EBF2: variants seen among roughly 807,000 people sequenced by gnomAD.
EBF2 encodes EBF transcription factor 2.
EBF2 carries 21 observed loss-of-function variants against 72.8 expected under a neutral mutation model. That is an observed-to-expected ratio of 0.29 (90% CI 0.20 to 0.42). EBF2 has a LOEUF of 0.42. Ranked by LOEUF, EBF2 falls within the 10% of genes least tolerant of loss-of-function variation. The pLI, the probability that EBF2 is intolerant of heterozygous loss-of-function variation, is 1.00. For missense variants in EBF2, 637 were observed against 731.2 expected (o/e 0.87, Z 1.49); for synonymous variants, 299 against 274.2 (o/e 1.09, Z -0.89).
intron 10 of EBF2, among the ~76,000 whole-genome samples, chr8:25,886,242 C>T (rs1461471609): frequency 6.6e-6 from 1 of 152,124 alleles, no homozygotes; most frequent in African/African-American, 2.4e-5. Flanking sequence ...TCTAAACTTC[C>T]AAGTGGGGAA....
intron 15 of EBF2, among the ~76,000 whole-genome samples, chr8:25,848,119 C>A (rs947962926): frequency 1.3e-5 from 2 of 152,164 alleles, no homozygotes; most frequent in Non-Finnish European, 1.5e-5. Flanking sequence ...CTGCCTCAGC[C>A]TCCCAAGTAT....
At position 25,964,987 on chromosome 8, in the gene EBF2, T is replaced by C. The variant is rs148235115; in HGVS notation, c.552-56432A>G. Among the ~76,000 whole-genome samples the C allele has an allele frequency of 1.2e-3, 176 of 152,354 alleles. 2 individuals are homozygous for C. Among genetic ancestry groups the C allele is most frequent in the African/African-American group, 4.0e-3 (168 of 41,574 alleles). Reference sequence around the variant, plus strand: ...TCTGTAGTGAGGTCAATATCAATAATTGATGGAGCTATGATATCTAGAGCA... The same window carrying C: ...TCTGTAGTGAGGTCAATATCAATAACTGATGGAGCTATGATATCTAGAGCA... On this transcript the variant is annotated intron_variant, in intron 6 of 15. Coordinates refer to ENST00000520164, the MANE Select transcript of EBF2 (RefSeq NM_022659.4).
At chr8:25,889,892 A>T (rs1298641426) in intron 7 of EBF2, 23 bp from the exon 8 acceptor site, 1 of 1,594,824 alleles carries the variant, frequency 6.3e-7, no homozygotes, top group Non-Finnish European at 8.6e-7. Flanking sequence ...AGTAAAAAGG[A>T]GAAAGGGGGT....
intron 6 of EBF2, among the ~76,000 whole-genome samples, chr8:25,990,839 G>A: frequency 6.6e-6 from 1 of 152,224 alleles, no homozygotes; most frequent in Non-Finnish European, 1.5e-5. Context: ...TTCCCAGGCA[G>A]AACGGAAATA....
intron 6 of EBF2, among the ~76,000 whole-genome samples, chr8:25,999,664 C>T (rs1414741640): frequency 6.6e-6 from 1 of 150,710 alleles, no homozygotes; most frequent in African/African-American, 2.4e-5. Flanking sequence ...CTTTGCCTCC[C>T]ATCTTCCCAA....
chr8:25,881,011 G>A (rs2117283628), intron 10 of EBF2, among the ~76,000 whole-genome samples: 1 of 152,070 alleles, frequency 6.6e-6, no homozygotes, highest in Non-Finnish European at 1.5e-5. Flanking sequence ...TTGTGTCAAT[G>A]TTACCTCCTA....
chr8:25,911,852 T>C (rs910924756), intron 6 of EBF2, among the ~76,000 whole-genome samples: 10 of 151,808 alleles, frequency 6.6e-5, no homozygotes, highest in African/African-American at 2.4e-4. Flanking sequence ...AATAAATAAG[T>C]GGGGACAGCT....
intron 5 of EBF2, among the ~76,000 whole-genome samples, chr8:26,034,750 A>G (rs1019935292): frequency 2.6e-5 from 4 of 152,240 alleles, no homozygotes; most frequent in African/African-American, 7.2e-5. Context: ...TTTATCATCC[A>G]TACTGGTTGG....
intron 14 of EBF2, 105 bp downstream of exon 14, chr8:25,858,214 G>C: frequency 2.1e-6 from 3 of 1,398,658 alleles, no homozygotes; most frequent in Non-Finnish European, 3.0e-6. Flanking sequence ...GCTGCTCCCC[G>C]ACAACTTAGG....
At chr8:25,853,546 A>C (rs1213702305) in intron 14 of EBF2, among the ~76,000 whole-genome samples, 1 of 152,104 alleles carries the variant, frequency 6.6e-6, no homozygotes, top group East Asian at 1.9e-4. Context: ...TTCTTTTCTA[A>C]GGGAAGAATT....
intron 6 of EBF2, among the ~76,000 whole-genome samples, chr8:25,967,397 C>T (rs911066147): frequency 6.6e-5 from 10 of 152,136 alleles, no homozygotes; most frequent in African/African-American, 2.4e-4. Context: ...ATCAAAAATG[C>T]ATTTAATACA....
chr8:25,945,230 C>T (rs1204743893), intron 6 of EBF2, among the ~76,000 whole-genome samples: 1 of 152,024 alleles, frequency 6.6e-6, no homozygotes, highest in Non-Finnish European at 1.5e-5. Flanking sequence ...TGCTATATCC[C>T]CCAAGTTGAA....
intron 6 of EBF2, among the ~76,000 whole-genome samples, chr8:25,955,047 G>C (rs1350445359): frequency 6.6e-6 from 1 of 152,232 alleles, no homozygotes; most frequent in African/African-American, 2.4e-5. Context: ...GGGAGGATCA[G>C]AGGGTTCGAG....
chr8:26,038,843 G>A (rs1306563606), intron 5 of EBF2, among the ~76,000 whole-genome samples: 9 of 152,192 alleles, frequency 5.9e-5, no homozygotes, highest in African/African-American at 2.2e-4. Context: ...TGATTGTTAT[G>A]GTTTCTTCCT....
At chr8:25,885,876 A>G (rs10503778) in intron 10 of EBF2, among the ~76,000 whole-genome samples, 13,203 of 152,246 alleles carry the variant, frequency 0.087, 873 homozygotes, top group African/African-American at 0.18. Context: ...GGACTAATAC[A>G]CATGCCTAGC....
intron 10 of EBF2, among the ~76,000 whole-genome samples, chr8:25,872,161 G>A (rs1244471287): frequency 6.6e-6 from 1 of 152,194 alleles, no homozygotes; most frequent in Non-Finnish European, 1.5e-5. Flanking sequence ...CTCTTTGTTA[G>A]AACCCTGTTC....
At chr8:26,012,177 G>T (rs1319582787) in intron 6 of EBF2, among the ~76,000 whole-genome samples, 4 of 151,992 alleles carry the variant, frequency 2.6e-5, no homozygotes, top group Admixed American at 6.6e-5. Context: ...TTTTGTTTTT[G>T]TCCTTAAAGT....
At chr8:25,968,653 C>T (rs192027217) in intron 6 of EBF2, among the ~76,000 whole-genome samples, 1 of 152,176 alleles carries the variant, frequency 6.6e-6, no homozygotes, top group Non-Finnish European at 1.5e-5. Context: ...CCTCCACCCC[C>T]CTGGGTTCAA....
At chr8:25,938,766 T>C (rs1296863373) in intron 6 of EBF2, among the ~76,000 whole-genome samples, 2 of 152,098 alleles carry the variant, frequency 1.3e-5, no homozygotes, top group Admixed American at 6.5e-5. Flanking sequence ...TGCTGAATGG[T>C]GGGTCACAAG....
Sources: allele counts gnomAD v4.1 joint callset (sites outside exome capture counted in the v4.1 genomes callset), GRCh38; gene constraint gnomAD v4.1.1; transcripts MANE v1.5; gene names NCBI Gene and HGNC (gene_info 2026-07-23, HGNC 2026-07-21).